Variants in CACNA2D2 observed in about 807,000 individuals in gnomAD.
The protein encoded by CACNA2D2 is calcium voltage-gated channel auxiliary subunit alpha2delta 2.
A neutral mutation model predicts 166.4 loss-of-function variants in CACNA2D2; 48 were observed. That is an observed-to-expected ratio of 0.29 (90% CI 0.23 to 0.37). The LOEUF is 0.37. Among genes scored for constraint, CACNA2D2 ranks in the 10% least tolerant of loss-of-function variants. The probability of loss-of-function intolerance (pLI) is 1.00; values close to 1 mark genes in which losing one functional copy is unlikely to be tolerated. For missense variants in CACNA2D2, 1,122 were observed against 1,433.0 expected, an observed-to-expected ratio of 0.78 and a Z score of 3.50; for synonymous variants, 561 against 573.7, an observed-to-expected ratio of 0.98 and a Z score of 0.32.
At chr3:50,454,599 C>T (rs541521218) in intron 2 of CACNA2D2, among the ~76,000 whole-genome samples, 1 of 152,342 alleles carries the variant, frequency 6.6e-6, no homozygotes, top group Admixed American at 6.5e-5. Context: ...GCCTTTGTCC[C>T]AGAATCCCTC....
At position 50,367,542 on chromosome 3, in the gene CACNA2D2, C is replaced by A; in HGVS notation, c.2298-45G>T. On this transcript the variant is annotated intron_variant, in intron 26 of 37. Transcript: ENST00000424201. The surrounding 1 kb of genome is among the most constrained non-coding windows in gnomAD (Gnocchi z 6.5). ...GACTGGTAGGTAAGGGGTGGCTTGT[C>A]GGGGACAGTGGTCTCCACAGATGCA... 6.2e-7 allele frequency: 1 copy of A among 1,608,610 alleles called. No individual in the cohort carries two copies. Among genetic ancestry groups the A allele is most frequent in the Non-Finnish European group, 8.5e-7 (1 of 1,175,570 alleles).
Position 50,503,206 on chromosome 3 carries a change from G to A in CACNA2D2, c.206+12C>T. 2 of 1,187,496 alleles carry A rather than the reference G, an allele frequency of 1.7e-6. No individual in the cohort carries two copies. Among genetic ancestry groups the A allele is most frequent in the Non-Finnish European group, 2.1e-6 (2 of 958,246 alleles). The allele number at this position is 1,187,496 out of a possible 1,614,324, so 73.6% of individuals were successfully genotyped here. A position where few individuals can be genotyped will look rare whatever the true frequency, so the allele number is the denominator to read the frequency against. On this transcript the variant is annotated intron_variant, in intron 1 of 37. Coordinates refer to ENST00000424201, the MANE Select transcript of CACNA2D2 (RefSeq NM_006030.4). ...CTCGGCCGGGGTCTCGCGGCCGGCC[G>A]AGGCCACTTACGTGTGCTGCTGGGG... is the stretch of plus-strand genomic sequence containing the variant.
At chr3:50,478,424 T>C (rs1447808524) in intron 1 of CACNA2D2, among the ~76,000 whole-genome samples, 1 of 152,204 alleles carries the variant, frequency 6.6e-6, no homozygotes, top group Non-Finnish European at 1.5e-5. Context: ...AGTGAGGATC[T>C]GATCCCCAAA....
At chr3:50,426,653 T>C (rs879448247) in intron 3 of CACNA2D2, among the ~76,000 whole-genome samples, 3 of 152,094 alleles carry the variant, frequency 2.0e-5, no homozygotes, top group Admixed American at 6.5e-5. Context: ...TTTTGACTAG[T>C]AGGTGCTAGT....
At chr3:50,425,862 G>T (rs1707784419) in intron 3 of CACNA2D2, among the ~76,000 whole-genome samples, 1 of 152,140 alleles carries the variant, frequency 6.6e-6, no homozygotes, top group African/African-American at 2.4e-5. Context: ...TCCTCTGGTG[G>T]TGAGGTGCAA....
At chr3:50,411,950 T>G (rs960820026) in intron 3 of CACNA2D2, among the ~76,000 whole-genome samples, 1 of 152,208 alleles carries the variant, frequency 6.6e-6, no homozygotes, top group Non-Finnish European at 1.5e-5. Context: ...AGGGGCACCA[T>G]CCTGGAAATC....
intron 1 of CACNA2D2, among the ~76,000 whole-genome samples, chr3:50,501,845 C>G (rs1005331012): frequency 3.3e-5 from 5 of 152,198 alleles, no homozygotes; most frequent in African/African-American, 4.8e-5. Flanking sequence ...TCCACCAGCC[C>G]TGAACTTCCA....
rs1704334167 is a variant in CACNA2D2, at chr3:50,366,928, G to A, written c.2501-9C>T. On this transcript the variant is annotated splice_polypyrimidine_tract_variant and intron_variant, in intron 28 of 37. Transcript: ENST00000424201. The surrounding 1 kb of genome is among the most constrained non-coding windows in gnomAD (Gnocchi z 5.9). ...CAGCTTGACGCCCACCACTTTGGGG[G>A]AGAGCAAGGGACCATCAGTGCTACC... 6.2e-7 allele frequency: 1 copy of A among 1,613,730 alleles called. No homozygotes were observed. Among genetic ancestry groups the A allele is most frequent in the Non-Finnish European group, 8.5e-7 (1 of 1,179,982 alleles).
chr3:50,475,733 G>A (rs1334507575), intron 2 of CACNA2D2, among the ~76,000 whole-genome samples: 6 of 144,348 alleles, frequency 4.2e-5, no homozygotes, highest in Non-Finnish European at 5.9e-5. Context: ...GGTATGGACC[G>A]GCCATCCCGT....
At chr3:50,422,290 A>G (rs1424850099) in intron 3 of CACNA2D2, among the ~76,000 whole-genome samples, 1 of 152,020 alleles carries the variant, frequency 6.6e-6, no homozygotes, top group Non-Finnish European at 1.5e-5. Flanking sequence ...GGCTCCCCAC[A>G]CAGTGGAAGC....
chr3:50,463,593 C>G (rs919754161), intron 2 of CACNA2D2, among the ~76,000 whole-genome samples: 1 of 152,218 alleles, frequency 6.6e-6, no homozygotes. Flanking sequence ...TTCACCCTGA[C>G]CAACAGACAG....
intron 1 of CACNA2D2, among the ~76,000 whole-genome samples, 163 bp downstream of exon 1, chr3:50,503,055 C>A (rs951909497): frequency 6.6e-6 from 1 of 152,178 alleles, no homozygotes; most frequent in Non-Finnish European, 1.5e-5. Context: ...GGGACCGCGG[C>A]TGCCAGCCTT....
At chr3:50,391,880 G>A (rs1208592839) in intron 4 of CACNA2D2, among the ~76,000 whole-genome samples, 1 of 152,214 alleles carries the variant, frequency 6.6e-6, no homozygotes, top group East Asian at 1.9e-4. Context: ...CCATCTCAGA[G>A]GTAAGAAGAC....
chr3:50,364,601 C>A lies in CACNA2D2; in HGVS notation c.*65G>T. The stretch of plus-strand genomic sequence containing the variant: ...AGGCTCTAAGGCGGGGAGTGTGGGG[C>A]AGGAGGGTGGGAAAGGCGAAGAGGC... On this transcript the variant is annotated 3_prime_UTR_variant, in exon 38 of 38. Coordinates refer to ENST00000424201, the MANE Select transcript of CACNA2D2 (RefSeq NM_006030.4). 2.8e-6 allele frequency: 4 copies of A among 1,435,294 alleles called. No homozygotes were observed. The highest frequency in any genetic ancestry group is 3.7e-6 in the Non-Finnish European group (4 of 1,092,568). 88.9% of individuals were successfully genotyped at this position (1,435,294 alleles called of 1,614,324 possible). A position where few individuals can be genotyped will look rare whatever the true frequency, so the allele number is the denominator to read the frequency against.
At chr3:50,418,545 C>T (rs1053897495) in intron 3 of CACNA2D2, among the ~76,000 whole-genome samples, 3 of 152,224 alleles carry the variant, frequency 2.0e-5, no homozygotes, top group Non-Finnish European at 2.9e-5. Flanking sequence ...CTCCCAGGGC[C>T]GGTCAGGGTG....
At chr3:50,461,075 A>G (rs980763357) in intron 2 of CACNA2D2, among the ~76,000 whole-genome samples, 1 of 152,186 alleles carries the variant, frequency 6.6e-6, no homozygotes, top group African/African-American at 2.4e-5. Flanking sequence ...TCAAGAAAAC[A>G]TCCCACAACT....
intron 2 of CACNA2D2, among the ~76,000 whole-genome samples, chr3:50,444,793 A>G (rs567788053): frequency 1.3e-5 from 2 of 152,338 alleles, no homozygotes; most frequent in East Asian, 1.9e-4. Context: ...GATGAAGGTA[A>G]GCCCAGAAGA....
chr3:50,478,358 C>T (rs1270879600), intron 1 of CACNA2D2, among the ~76,000 whole-genome samples: 1 of 152,188 alleles, frequency 6.6e-6, no homozygotes, highest in Non-Finnish European at 1.5e-5. Context: ...GCCCTGGGGG[C>T]TAATGTTGGG....
Position 50,366,245 on chromosome 3 carries a change from T to C in CACNA2D2, c.2709+22A>G. ...AGGCTCAAATCCCTACTCTCTTCTT[T>C]CACTCTCTTCCTGATCCTCACCTGG... On this transcript the variant is annotated intron_variant, in intron 31 of 37. Coordinates refer to ENST00000424201, the MANE Select transcript of CACNA2D2 (RefSeq NM_006030.4). This position sits in a 1 kb window ranked among gnomAD's most constrained non-coding sequence, Gnocchi z 5.9. The C allele has an allele frequency of 1.2e-6, 2 of 1,614,080 alleles. No individual in the cohort carries two copies. Among genetic ancestry groups the C allele is most frequent in the Non-Finnish European group, 1.7e-6 (2 of 1,179,946 alleles).
Sources: gnomAD v4.1 joint callset for allele counts (sites outside exome capture counted in the v4.1 genomes callset) on GRCh38, gnomAD v4.1.1 for gene constraint, Gnocchi (gnomAD v3.1) non-coding constraint, MANE v1.5 for transcripts, NCBI Gene and HGNC (gene_info 2026-07-23, HGNC 2026-07-21) for gene names.